RARA: variants seen among roughly 807,000 people sequenced by gnomAD.
RARA encodes retinoic acid receptor alpha.
In RARA, 5 loss-of-function variants were observed where a neutral mutation model predicts 42.8. That is an observed-to-expected ratio of 0.12 (90% CI 0.06 to 0.25). The LOEUF (loss-of-function observed/expected upper bound fraction) is 0.25. Among genes scored for constraint, RARA ranks in the 10% least tolerant of loss-of-function variants. The probability of loss-of-function intolerance (pLI) is 1.00; values close to 1 mark genes in which losing one functional copy is unlikely to be tolerated. For missense variants in RARA, 402 were observed against 628.7 expected (o/e 0.64, Z 3.86); for synonymous variants, 256 against 259.5 (o/e 0.99, Z 0.13).
rs1035280586 is a variant in RARA, at chr17:40,326,812, G to T, written c.-362-4045G>T. Among the ~76,000 whole-genome samples, 3 of 152,142 alleles carry T rather than the reference G, an allele frequency of 2.0e-5. No homozygotes were observed. The highest frequency in any genetic ancestry group is 4.4e-5 in the Non-Finnish European group (3 of 68,014). On this transcript the variant is annotated intron_variant, in intron 1 of 8. Coordinates refer to ENST00000254066, the MANE Select transcript of RARA (RefSeq NM_000964.4). This position sits in a 1 kb window ranked among gnomAD's most constrained non-coding sequence, Gnocchi z 5.2. ...GCCTTCTCCACCCCTGGGGTGTAGG[G>T]GGCTGGGGCCCAGGTGTCTCTCTGA...
In RARA at chr17:40,354,156, C is replaced by T; in HGVS notation, c.808-146C>T. On this transcript the variant is annotated intron_variant, in intron 6 of 8. Coordinates refer to ENST00000254066, the MANE Select transcript of RARA (RefSeq NM_000964.4). The surrounding 1 kb of genome is among the most constrained non-coding windows in gnomAD (Gnocchi z 4.5). ...TGGATGGTGCAGACGTAGAACCTTT[C>T]CATCATTGTAGAAAATTCTATCAGA... The T allele has an allele frequency of 1.4e-6, 1 of 731,260 alleles. No individual in the cohort carries two copies. 45.3% of individuals were successfully genotyped at this position (731,260 alleles called of 1,614,324 possible).
At chr17:40,337,271 TG>T (rs1247305181) in intron 2 of RARA, among the ~76,000 whole-genome samples, 2 of 152,272 alleles carry the variant, frequency 1.3e-5, no homozygotes, top group African/African-American at 4.8e-5. Flanking sequence ...CTCTTGGGTG[TG>T]GGAAGTGTGG....
At chr17:40,348,647 G>A in intron 3 of RARA, 183 bp downstream of exon 3, 5 of 675,514 alleles carry the variant, frequency 7.4e-6, no homozygotes, top group Non-Finnish European at 1.1e-5. Flanking sequence ...CCCCATAAAT[G>A]TGCAGGGCTC....
chr17:40,322,173 T>C (rs1598538373), intron 1 of RARA, among the ~76,000 whole-genome samples: 1 of 147,656 alleles, frequency 6.8e-6, no homozygotes, highest in Admixed American at 6.7e-5. Context: ...GGGAGGGGGG[T>C]GGAGGGAGGT....
At chr17:40,322,002 C>G (rs1472235335) in intron 1 of RARA, among the ~76,000 whole-genome samples, 2 of 152,142 alleles carry the variant, frequency 1.3e-5, no homozygotes, top group African/African-American at 4.8e-5. Flanking sequence ...CTGTGCTGCC[C>G]TGGCAGGGCT....
chr17:40,341,940 T>C (rs2143385279), intron 2 of RARA: 1 of 1,139,026 alleles, frequency 8.8e-7, no homozygotes, highest in Non-Finnish European at 1.1e-6. Flanking sequence ...ATCTGGAGCC[T>C]TTCCCCCTTC....
chr17:40,336,766 G>T (rs1367724988), intron 2 of RARA, among the ~76,000 whole-genome samples: 1 of 152,078 alleles, frequency 6.6e-6, no homozygotes, highest in African/African-American at 2.4e-5. Flanking sequence ...CTCGATCTCG[G>T]TTCACTGCAA....
chr17:40,338,370 C>T (rs574595728), intron 2 of RARA, among the ~76,000 whole-genome samples: 7 of 152,346 alleles, frequency 4.6e-5, no homozygotes, highest in Non-Finnish European at 8.8e-5. Flanking sequence ...GCCACTCAAC[C>T]TTTGGCTGTC....
chr17:40,356,676 G>A lies in RARA; in HGVS notation c.*450G>A, dbSNP rs553845872. 1.7e-5 allele frequency: 9 copies of A among 538,956 alleles called. No individual in the cohort carries two copies. The highest frequency in any genetic ancestry group is 3.8e-5 in the East Asian group (1 of 25,982). 33.4% of individuals were successfully genotyped at this position (538,956 alleles called of 1,614,324 possible). A position where few individuals can be genotyped will look rare whatever the true frequency, so the allele number is the denominator to read the frequency against. On this transcript the variant is annotated 3_prime_UTR_variant, in exon 9 of 9. Transcript: ENST00000254066. The stretch of plus-strand genomic sequence containing the variant: ...GTGACAGAGGGGGTGGGACAGGGGC[G>A]GGGGGTTCCCCCTGTACATACCCTG...
At chr17:40,340,076 C>T (rs1006107152) in intron 2 of RARA, among the ~76,000 whole-genome samples, 1 of 152,188 alleles carries the variant, frequency 6.6e-6, no homozygotes, top group African/African-American at 2.4e-5. Flanking sequence ...GCGTAAGTCA[C>T]ACACAAGTCT....
At chr17:40,325,702 T>G (rs1279908385) in intron 1 of RARA, among the ~76,000 whole-genome samples, 2 of 152,208 alleles carry the variant, frequency 1.3e-5, no homozygotes. Context: ...CATTTGCATA[T>G]GATTCACTAA....
At chr17:40,318,702 C>T (rs936612704) in intron 1 of RARA, among the ~76,000 whole-genome samples, 1 of 152,252 alleles carries the variant, frequency 6.6e-6, no homozygotes, top group Admixed American at 6.5e-5. Context: ...GCGTGTCCCC[C>T]GCGCTCGAGC....
At chr17:40,311,755 C>A (rs1418675042) in intron 1 of RARA, among the ~76,000 whole-genome samples, 1 of 152,164 alleles carries the variant, frequency 6.6e-6, no homozygotes, top group African/African-American at 2.4e-5. Context: ...TGGTTTCCTT[C>A]CTCCTTTGTG....
chr17:40,342,814 C>CG, intron 2 of RARA: 1 of 1,613,076 alleles, frequency 6.2e-7, no homozygotes, highest in Non-Finnish European at 8.5e-7. Flanking sequence ...CTCCCCGCCC[C>CG]GGGTCCGTAC....
chr17:40,351,035 G>C lies in RARA; in HGVS notation c.470-875G>C, dbSNP rs1448687025. Among the ~76,000 whole-genome samples the C allele has an allele frequency of 6.6e-6, 1 of 151,810 alleles. No individual in the cohort carries two copies. The highest frequency in any genetic ancestry group is 2.4e-5 in the African/African-American group (1 of 41,272). On this transcript the variant is annotated intron_variant, in intron 4 of 8. Coordinates refer to ENST00000254066, the MANE Select transcript of RARA (RefSeq NM_000964.4). The surrounding 1 kb of genome is among the most constrained non-coding windows in gnomAD (Gnocchi z 4.1). Reference sequence around the variant, plus strand: ...TCTCCCGGCTGCTCTGTGCCCCGGAGCTGAGCAGCTGCCATTTCAATAGAA... The same window carrying C: ...TCTCCCGGCTGCTCTGTGCCCCGGACCTGAGCAGCTGCCATTTCAATAGAA...
Position 40,352,225 on chromosome 17 carries a change from C to T in RARA, c.631-106C>T, listed in dbSNP as rs2034480013. ...CCTCCTGCTGCCTCTTCCCAAGGAG[C>T]TCCCAGGAAGTGAAGGCTGGGTAGA... On this transcript the variant is annotated intron_variant, in intron 5 of 8. Coordinates refer to ENST00000254066, the MANE Select transcript of RARA (RefSeq NM_000964.4). The surrounding 1 kb of genome is among the most constrained non-coding windows in gnomAD (Gnocchi z 4.9). 7.3e-6 allele frequency: 11 copies of T among 1,501,642 alleles called. No individual in the cohort carries two copies. Among genetic ancestry groups the T allele is most frequent in the Admixed American group, 2.3e-5 (1 of 43,260 alleles). 93.0% of individuals were successfully genotyped at this position (1,501,642 alleles called of 1,614,324 possible).
chr17:40,350,074 T>C, intron 4 of RARA, 149 bp downstream of exon 4: 2 of 1,267,904 alleles, frequency 1.6e-6, no homozygotes, highest in Non-Finnish European at 1.1e-6. Flanking sequence ...GGATGGTTTG[T>C]GTGTAGCTGC....
chr17:40,332,284 G>C (rs1256520139), intron 2 of RARA, among the ~76,000 whole-genome samples: 1 of 152,120 alleles, frequency 6.6e-6, no homozygotes. Flanking sequence ...CCTGGGACGG[G>C]AGAGGGTGGA....
In RARA at chr17:40,315,362, C is replaced by T. The variant is rs370011792; in HGVS notation, c.-363+6076C>T. On this transcript the variant is annotated intron_variant, in intron 1 of 8. Coordinates refer to ENST00000254066, the MANE Select transcript of RARA (RefSeq NM_000964.4). ...TACCTGGCCTGGGTTTGAATCCCAG[C>T]CCTGCCATTGACAAGCTGTATGACG... Among the ~76,000 whole-genome samples, 7 of 151,728 alleles carry T rather than the reference C, an allele frequency of 4.6e-5. 1 individual carries two copies. Among genetic ancestry groups the T allele is most frequent in the Admixed American group, 3.9e-4 (6 of 15,218 alleles).
Sources: gnomAD v4.1 joint callset for allele counts (sites outside exome capture counted in the v4.1 genomes callset) on GRCh38, gnomAD v4.1.1 for gene constraint, Gnocchi (gnomAD v3.1) non-coding constraint, MANE v1.5 for transcripts, NCBI Gene and HGNC (gene_info 2026-07-23, HGNC 2026-07-21) for gene names.